PCED1B: variants seen among roughly 807,000 people sequenced by gnomAD.
PCED1B encodes the protein PC-esterase domain containing 1B.
For missense variants in PCED1B, 573 were observed against 573.9 expected (o/e 1.00, Z 0.02); for synonymous variants, 251 against 246.1 (o/e 1.02, Z -0.19).
intron 3 of PCED1B, among the ~76,000 whole-genome samples, chr12:47,234,100 T>A (rs975046038): frequency 1.3e-5 from 2 of 152,224 alleles, no homozygotes; most frequent in African/African-American, 4.8e-5. Context: ...GCAATTCTCC[T>A]GCCTCAGCCT....
chr12:47,141,292 C>A (rs1387693225), intron 2 of PCED1B, among the ~76,000 whole-genome samples: 1 of 152,146 alleles, frequency 6.6e-6, no homozygotes, highest in Admixed American at 6.5e-5. Context: ...CTGTGGACCC[C>A]AGGTTGCAAA....
Position 47,235,585 on chromosome 12 carries a change from G to A in PCED1B, c.522G>A (p.Gly174=), listed in dbSNP as rs2244818. ...TAMPVGEEVT[G]GFLPPKLRRQ... ...TGCCTGTGGGCGAGGAAGTCACCGG[G>A]GGTTTTCTTCCGCCCAAGCTCCGGC... The change falls in exon 4 of 4, where the codon GGG becomes GGA. Residue 174 remains glycine (G), a synonymous_variant. Coordinates refer to ENST00000546455, the MANE Select transcript of PCED1B (RefSeq NM_138371.3). 9.3e-6 allele frequency: 15 copies of A among 1,608,416 alleles called. No homozygotes were observed. The African/African-American group carries it at 1.3e-4, about 14-fold the overall frequency.
intron 1 of PCED1B, among the ~76,000 whole-genome samples, chr12:47,088,986 C>T (rs1341225314): frequency 6.6e-6 from 1 of 152,130 alleles, no homozygotes; most frequent in Non-Finnish European, 1.5e-5. Flanking sequence ...CCACAGTGAA[C>T]ATTAATATGT....
intron 3 of PCED1B, among the ~76,000 whole-genome samples, chr12:47,230,319 C>T (rs969006578): frequency 6.6e-6 from 1 of 152,108 alleles, no homozygotes; most frequent in African/African-American, 2.4e-5. Context: ...CTCGTGACCT[C>T]GTGATCCTCC....
rs142195009 is a variant in PCED1B at position 47,134,410 on chromosome 12, T to A, written c.-526+30215T>A. Among the ~76,000 whole-genome samples the A allele has an allele frequency of 6.6e-3, 998 of 152,308 alleles. 7 individuals are homozygous for A. Among genetic ancestry groups the A allele is most frequent in the African/African-American group, 0.023 (950 of 41,562 alleles). On this transcript the variant is annotated intron_variant, in intron 2 of 3. Transcript: ENST00000546455. ...AATTCAGTGAAATACAGAGAAGATA[T>A]CCCTTATTAATATTTAAAACAAACA...
Position 47,235,616 on chromosome 12 carries a change from A to G in PCED1B, c.553A>G (p.Lys185Glu). Residue 185 changes from lysine (K) to glutamate (E), a missense_variant, in exon 4 of 4, where the codon AAG becomes GAG. By Grantham distance (56) the Lys-to-Glu change is moderately conservative. Transcript: ENST00000546455. ...TCTTCCGCCCAAGCTCCGGCGGCAG[A>G]AGGCCACCTTCCTGAAAAACGAAGT... ...GFLPPKLRRQ[K>E]ATFLKNEVVK... is the part of the protein sequence containing the mutation. 6.2e-7 allele frequency: 1 copy of G among 1,610,212 alleles called. No homozygotes were observed. Among genetic ancestry groups the G allele is most frequent in the Non-Finnish European group, 8.5e-7 (1 of 1,177,876 alleles).
At chr12:47,228,369 T>G (rs1227056133) in intron 3 of PCED1B, among the ~76,000 whole-genome samples, 24 of 152,076 alleles carry the variant, frequency 1.6e-4, no homozygotes, top group Admixed American at 1.6e-3. Flanking sequence ...TTTTTATGTC[T>G]CTTGCTTGAG....
At chr12:47,094,130 T>C (rs997422993) in intron 1 of PCED1B, among the ~76,000 whole-genome samples, 1 of 152,108 alleles carries the variant, frequency 6.6e-6, no homozygotes, top group Non-Finnish European at 1.5e-5. Flanking sequence ...TGCACAGAGA[T>C]TTAGGATTGT....
At chr12:47,234,055 T>G (rs1405939826) in intron 3 of PCED1B, among the ~76,000 whole-genome samples, 1 of 152,214 alleles carries the variant, frequency 6.6e-6, no homozygotes, top group Non-Finnish European at 1.5e-5. Context: ...TGGCGCGATC[T>G]CAGCTCACTG....
At chr12:47,182,282 T>C (rs978737111) in intron 2 of PCED1B, among the ~76,000 whole-genome samples, 5 of 152,106 alleles carry the variant, frequency 3.3e-5, no homozygotes, top group Non-Finnish European at 4.4e-5. Flanking sequence ...ACCTACAGTA[T>C]TGAGAGAGCT....
intron 1 of PCED1B, among the ~76,000 whole-genome samples, chr12:47,083,026 T>C (rs369600909): frequency 6.7e-6 from 1 of 149,844 alleles, no homozygotes; most frequent in Non-Finnish European, 1.5e-5. Context: ...GGTGTGGTCA[T>C]GTGAGTGTCT....
At chr12:47,089,327 G>T (rs1472715450) in intron 1 of PCED1B, among the ~76,000 whole-genome samples, 1 of 150,910 alleles carries the variant, frequency 6.6e-6, no homozygotes, top group Non-Finnish European at 1.5e-5. Flanking sequence ...GGCACCTGTA[G>T]TCCCAGCTAC....
In PCED1B at chr12:47,222,122, A is replaced by ATT. The variant is rs1565611242; in HGVS notation, c.-58+5433_-58+5434insTT. 4.2e-5 allele frequency among the ~76,000 whole-genome samples: 6 copies of ATT among 142,178 alleles called. No individual in the cohort carries two copies. In the East Asian group the frequency reaches 6.2e-4, roughly 15 times the overall value. The allele number at this position is 142,178 out of a possible 152,430, so 93.3% of individuals were successfully genotyped here. On this transcript the variant is annotated intron_variant, in intron 3 of 3. Transcript: ENST00000546455. ...TATCTCTTAAAAAAAAAATTAAAAA[A>ATT]AAAAAAAAAAAAAACGCCCGGGCGT...
rs373600550 is a variant in PCED1B at position 47,173,793 on chromosome 12, T to C, written c.-525-42429T>C. On this transcript the variant is annotated intron_variant, in intron 2 of 3. Transcript: ENST00000546455. ...TTAAGTATTAATCTAAAAGGAGAGA[T>C]TTCAGATCTTTAAAAAAATGATTAT... is the stretch of plus-strand genomic sequence containing the variant. Among the ~76,000 whole-genome samples the C allele has an allele frequency of 5.8e-4, 89 of 152,302 alleles. 2 individuals carry two copies. The highest frequency in any genetic ancestry group is 2.1e-3 in the African/African-American group (89 of 41,566).
intron 3 of PCED1B, among the ~76,000 whole-genome samples, chr12:47,229,938 A>AT (rs993353521): frequency 1.5e-5 from 2 of 135,728 alleles, no homozygotes; most frequent in South Asian, 2.4e-4. Flanking sequence ...CCCGGCTAAT[A>AT]TTTTTTTTTG....
At chr12:47,081,245 T>C (rs1284223799) in intron 1 of PCED1B, among the ~76,000 whole-genome samples, 2 of 152,120 alleles carry the variant, frequency 1.3e-5, no homozygotes, top group Non-Finnish European at 2.9e-5. Context: ...TGGGGCAGGA[T>C]AGATAACTTG....
Position 47,235,829 on chromosome 12 carries a change from C to T in PCED1B, c.766C>T (p.Leu256=). The part of the protein sequence containing the change: ...AHVADAWGVE[L]PHRHPVGEWI... ...CGTGGCCGACGCCTGGGGTGTGGAG[C>T]TGCCCCACCGCCACCCCGTGGGCGA... The change falls in exon 4 of 4, where the codon CTG becomes TTG. Residue 256 remains leucine (L), a synonymous_variant. Transcript: ENST00000546455. The T allele has an allele frequency of 1.3e-6, 2 of 1,574,906 alleles. No individual in the cohort carries two copies. The highest frequency in any genetic ancestry group is 1.1e-5 in the South Asian group (1 of 87,162).
At chr12:47,105,859 G>A (rs1405914769) in intron 2 of PCED1B, among the ~76,000 whole-genome samples, 1 of 152,162 alleles carries the variant, frequency 6.6e-6, no homozygotes, top group African/African-American at 2.4e-5. Context: ...GAGCACAGGC[G>A]AATTGACACG....
chr12:47,135,450 T>A (rs1359900347), intron 2 of PCED1B: 3 of 350,268 alleles, frequency 8.6e-6, no homozygotes, highest in South Asian at 7.7e-5. Context: ...AGACAGGTTG[T>A]GGGCAGAGCT....
Sources: allele counts gnomAD v4.1 joint callset (sites outside exome capture counted in the v4.1 genomes callset), GRCh38; gene constraint gnomAD v4.1.1; transcripts MANE v1.5; gene names NCBI Gene and HGNC (gene_info 2026-07-23, HGNC 2026-07-21).